The following CNTLN variants were observed in gnomAD, a reference collection of about 807,000 sequenced individuals.
The protein encoded by CNTLN is centlein, also known as centlein, centrosomal protein.
A neutral mutation model predicts 180.0 loss-of-function variants in CNTLN; 212 were observed. The observed-to-expected ratio is 1.18, with a 90% CI of 1.05 to 1.32. The LOEUF is 1.32. Among genes scored for constraint, CNTLN ranks in the 40% most tolerant of loss-of-function variants. The pLI, the probability that CNTLN is intolerant of heterozygous loss-of-function variation, is 0.00. For synonymous variants in CNTLN, 722 were observed against 563.1 expected (o/e 1.28, Z -3.99); for missense variants, 2,095 against 1,610.9 (o/e 1.30, Z -5.14).
intron 18 of CNTLN, among the ~76,000 whole-genome samples, chr9:17,425,827 C>G (rs1244142277): frequency 2.6e-5 from 4 of 152,128 alleles, no homozygotes; most frequent in Non-Finnish European, 2.9e-5. Context: ...GTTGAAATTT[C>G]TAAGCAAGCA....
At chr9:17,354,730 A>G (rs1243370368) in intron 12 of CNTLN, among the ~76,000 whole-genome samples, 1 of 152,246 alleles carries the variant, frequency 6.6e-6, no homozygotes, top group East Asian at 1.9e-4. Context: ...GGGTGGGGCC[A>G]GATAAGAGAA....
chr9:17,343,271 A>T (rs1821626920), intron 12 of CNTLN, among the ~76,000 whole-genome samples: 1 of 152,160 alleles, frequency 6.6e-6, no homozygotes. Flanking sequence ...CTGCTACTTA[A>T]CTATTTCTTC....
chr9:17,373,765 T>G (rs1824524689), intron 13 of CNTLN, among the ~76,000 whole-genome samples: 1 of 152,036 alleles, frequency 6.6e-6, no homozygotes, highest in African/African-American at 2.4e-5. Flanking sequence ...AGCATGAAAA[T>G]TGACACATAG....
chr9:17,192,124 A>G (rs929782216), intron 2 of CNTLN, among the ~76,000 whole-genome samples: 2 of 152,138 alleles, frequency 1.3e-5, no homozygotes, highest in Non-Finnish European at 2.9e-5. Flanking sequence ...AACAAGCATA[A>G]TGTTAATTAA....
intron 5 of CNTLN, among the ~76,000 whole-genome samples, chr9:17,266,491 C>G (rs11536701): frequency 0.23 from 35,079 of 151,756 alleles, 4,751 homozygotes; most frequent in South Asian, 0.36. Flanking sequence ...GTGTGGTGTG[C>G]TGCTGAATAA....
intron 6 of CNTLN, among the ~76,000 whole-genome samples, chr9:17,274,501 CTAT>C (rs1563947043): frequency 9.5e-6 from 1 of 105,162 alleles, no homozygotes; most frequent in Non-Finnish European, 2.0e-5. Context: ...ATCTATCTAT[CTAT>C]GTATCTTTCT....
At chr9:17,438,213 A>T (rs917852174) in intron 18 of CNTLN, among the ~76,000 whole-genome samples, 17 of 152,142 alleles carry the variant, frequency 1.1e-4, no homozygotes, top group Non-Finnish European at 1.5e-5. Flanking sequence ...CTGATGTAGA[A>T]TAAGGACTGA....
rs143737448 is a variant in CNTLN at position 17,431,361 on chromosome 9, T to G, written c.3114+15172T>G. 6.6e-3 allele frequency among the ~76,000 whole-genome samples: 1,003 copies of G among 152,274 alleles called. 10 individuals are homozygous for G. Among genetic ancestry groups the G allele is most frequent in the African/African-American group, 0.023 (944 of 41,584 alleles). ...CCATTTATGTCTTTTTTTAGAGAAA[T>G]GTCTGTTCAAATCTTTTGCCCATTT... On this transcript the variant is annotated intron_variant, in intron 18 of 25. Coordinates refer to ENST00000380647, the MANE Select transcript of CNTLN (RefSeq NM_017738.4).
At chr9:17,283,196 G>A (rs945611316) in intron 6 of CNTLN, among the ~76,000 whole-genome samples, 2 of 152,156 alleles carry the variant, frequency 1.3e-5, no homozygotes, top group Non-Finnish European at 2.9e-5. Flanking sequence ...CCATTTTCAC[G>A]ATGTTGATTC....
At chr9:17,470,279 G>C (rs1485167031) in intron 23 of CNTLN, among the ~76,000 whole-genome samples, 2 of 151,868 alleles carry the variant, frequency 1.3e-5, no homozygotes, top group African/African-American at 4.8e-5. Flanking sequence ...TGAACAGTGA[G>C]AACTATGTGC....
chr9:17,200,077 C>G lies in CNTLN; in HGVS notation c.450-26126C>G, dbSNP rs1433275332. 2.0e-5 allele frequency among the ~76,000 whole-genome samples: 3 copies of G among 152,152 alleles called. No individual in the cohort carries two copies. The East Asian group carries it at 5.8e-4, about 29-fold the overall frequency. ...ATGTGGCTAGCCAGTTTTCCCAACACCATTTATTAAATAGGGAATCCTTTT... is the reference window on the plus strand; with the variant it reads ...ATGTGGCTAGCCAGTTTTCCCAACAGCATTTATTAAATAGGGAATCCTTTT... On this transcript the variant is annotated intron_variant, in intron 2 of 25. Transcript: ENST00000380647.
chr9:17,415,710 A>C (rs1828169238), intron 16 of CNTLN, 78 bp from the exon 17 acceptor site: 2 of 931,536 alleles, frequency 2.1e-6, no homozygotes, highest in Non-Finnish European at 3.4e-6. Context: ...TTTTTAAGTA[A>C]AGAGATGTTA....
At chr9:17,357,867 A>G (rs915814857) in intron 12 of CNTLN, among the ~76,000 whole-genome samples, 2 of 151,782 alleles carry the variant, frequency 1.3e-5, no homozygotes, top group African/African-American at 4.8e-5. Flanking sequence ...ATGACAGGAA[A>G]CTGATACAAA....
At chr9:17,253,761 G>GTT (rs60517986) in intron 5 of CNTLN, among the ~76,000 whole-genome samples, 37,988 of 142,530 alleles carry the variant, frequency 0.27, 5,104 homozygotes, top group South Asian at 0.37. Context: ...CTTTTCTATT[G>GTT]TTTTTTTTTT....
intron 3 of CNTLN, among the ~76,000 whole-genome samples, chr9:17,234,087 G>A (rs992521101): frequency 1.3e-5 from 2 of 151,888 alleles, no homozygotes; most frequent in East Asian, 3.9e-4. Flanking sequence ...GATTATTTTT[G>A]TATGTATTCA....
chr9:17,527,722 A>G, the CNTLN span, among the ~76,000 whole-genome samples: 1 of 152,324 alleles, frequency 6.6e-6, no homozygotes, highest in South Asian at 2.1e-4. Context: ...TTGGTTTCCA[A>G]TAAGAGGAAC....
intron 24 of CNTLN, among the ~76,000 whole-genome samples, chr9:17,485,016 CAGGCAT>C (rs1272711350): frequency 1.3e-5 from 2 of 152,084 alleles, no homozygotes; most frequent in African/African-American, 4.8e-5. Flanking sequence ...TATATGCATA[CAGGCAT>C]AGTCTTTAAT....
chr9:17,516,118 C>T, the CNTLN span, among the ~76,000 whole-genome samples: 6 of 152,196 alleles, frequency 3.9e-5, no homozygotes, highest in African/African-American at 1.2e-4. Flanking sequence ...TTTATCCCTC[C>T]TTTCATTCAA....
At chr9:17,486,435 T>C (rs554271081) in intron 24 of CNTLN, among the ~76,000 whole-genome samples, 22 of 152,282 alleles carry the variant, frequency 1.4e-4, no homozygotes, top group Non-Finnish European at 2.4e-4. Flanking sequence ...TCTGTCATGA[T>C]AATTGATGGG....
Sources: allele counts gnomAD v4.1 joint callset (sites outside exome capture counted in the v4.1 genomes callset), GRCh38; gene constraint gnomAD v4.1.1; transcripts MANE v1.5; gene names NCBI Gene and HGNC (gene_info 2026-07-23, HGNC 2026-07-21).